The following TMEM182 variants were observed in gnomAD, a reference collection of about 807,000 sequenced individuals.
The protein encoded by TMEM182 is transmembrane protein 182.
TMEM182 carries 20 observed loss-of-function variants against 26.8 expected under a neutral mutation model. The ratio of observed to expected loss-of-function variants is 0.75; its 90% CI spans 0.53 to 1.09. The LOEUF is 1.09. TMEM182 is among the 50% of genes least tolerant of loss of function. The probability of loss-of-function intolerance (pLI) is 0.00; values close to 1 mark genes in which losing one functional copy is unlikely to be tolerated. For missense variants in TMEM182, 277 were observed against 275.5 expected (o/e 1.01, Z -0.04); for synonymous variants, 109 against 102.2 (o/e 1.07, Z -0.40).
intron 4 of TMEM182, among the ~76,000 whole-genome samples, chr2:102,803,848 T>C (rs13413272): frequency 0.013 from 1,987 of 151,836 alleles, 46 homozygotes; most frequent in African/African-American, 0.046. Context: ...CTGTCTACAC[T>C]TGCAGGCACA....
At chr2:102,837,258 A>G (rs1280708839) in intron 3 of TMEM182, among the ~76,000 whole-genome samples, 2 of 152,270 alleles carry the variant, frequency 1.3e-5, no homozygotes, top group African/African-American at 4.8e-5. Context: ...TTTCCAATTT[A>G]GGGGGCTGTA....
At chr2:102,839,470 T>TATATATATATAA (rs1177507950) in intron 3 of TMEM182, among the ~76,000 whole-genome samples, 1 of 140,366 alleles carries the variant, frequency 7.1e-6, no homozygotes, top group East Asian at 2.0e-4. Flanking sequence ...TATATATATA[T>TATATATATATAA]AATATATACA....
intron 3 of TMEM182, among the ~76,000 whole-genome samples, chr2:102,833,191 G>T (rs1189318625): frequency 6.6e-6 from 1 of 152,138 alleles, no homozygotes; most frequent in Admixed American, 6.5e-5. Context: ...GGAGAAGAGG[G>T]TTGCTGGCAG....
chr2:102,776,875 T>C (rs1680938756), intron 3 of TMEM182, among the ~76,000 whole-genome samples: 1 of 152,216 alleles, frequency 6.6e-6, no homozygotes, highest in Non-Finnish European at 1.5e-5. Flanking sequence ...CTCATTGTTT[T>C]AATCTGCAAT....
chr2:102,791,834 A>G (rs1573539377), intron 3 of TMEM182, among the ~76,000 whole-genome samples: 1 of 152,152 alleles, frequency 6.6e-6, no homozygotes, highest in African/African-American at 2.4e-5. Flanking sequence ...GGCACAGTCC[A>G]AAATCTTCAA....
downstream of TMEM182, among the ~76,000 whole-genome samples, chr2:102,821,163 C>T (rs191479962): frequency 5.3e-5 from 8 of 152,268 alleles, no homozygotes; most frequent in East Asian, 1.5e-3. Flanking sequence ...GACTCAACAC[C>T]CTTGAACATA....
chr2:102,796,023 A>G (rs944715857), intron 3 of TMEM182, among the ~76,000 whole-genome samples: 2 of 152,144 alleles, frequency 1.3e-5, no homozygotes, highest in African/African-American at 4.8e-5. Context: ...AGCAGTGCAG[A>G]CCTGTATTTA....
upstream of TMEM182, chr2:102,758,313 C>T: frequency 3.3e-6 from 2 of 598,222 alleles, no homozygotes; most frequent in Admixed American, 2.9e-5. Flanking sequence ...AACAGCCTTC[C>T]TAGTGCATGG....
chr2:102,832,788 C>T (rs1395219737), intron 3 of TMEM182, among the ~76,000 whole-genome samples: 2 of 152,160 alleles, frequency 1.3e-5, no homozygotes, highest in African/African-American at 4.8e-5. Flanking sequence ...CACACACACA[C>T]TCAAGAATTG....
chr2:102,824,269 A>G (rs1057477668), intron 3 of TMEM182, among the ~76,000 whole-genome samples: 1 of 152,180 alleles, frequency 6.6e-6, no homozygotes, highest in Non-Finnish European at 1.5e-5. Flanking sequence ...CCAGTTTATA[A>G]TAGTTAATAA....
downstream of TMEM182, among the ~76,000 whole-genome samples, chr2:102,822,190 A>G (rs568329524): frequency 6.6e-6 from 1 of 152,238 alleles, no homozygotes; most frequent in South Asian, 2.1e-4. Context: ...GTGGGCCTGG[A>G]GATGCACACT....
At chr2:102,799,235 A>G (rs1682010563) in intron 4 of TMEM182, among the ~76,000 whole-genome samples, 1 of 152,244 alleles carries the variant, frequency 6.6e-6, no homozygotes, top group Non-Finnish European at 1.5e-5. Flanking sequence ...GGAGAAGGTT[A>G]CTGTCCTTCT....
chr2:102,834,918 C>T (rs1289967082), intron 3 of TMEM182, among the ~76,000 whole-genome samples: 1 of 152,178 alleles, frequency 6.6e-6, no homozygotes, highest in Non-Finnish European at 1.5e-5. Flanking sequence ...TTGGGCCTCA[C>T]CCGTTTCACC....
At position 102,764,335 on chromosome 2, in the gene TMEM182, A is replaced by T. The variant is rs1237157354; in HGVS notation, c.239A>T (p.Gln80Leu). ...SNIWKFWYTN[Q>L]PPSKNCTHAY... Reference sequence around the variant, plus strand: ...GTTTTGCTGTTCTTCCTAGCCAATCAGCCACCGTCCAAGAACTGCACACAT... The same window carrying T: ...GTTTTGCTGTTCTTCCTAGCCAATCTGCCACCGTCCAAGAACTGCACACAT... Residue 80 changes from glutamine to leucine, a missense_variant, in exon 3 of 5, where the codon CAG (glutamine) becomes CTG (leucine). By Grantham distance (113) the Gln-to-Leu change is moderately radical. Coordinates refer to ENST00000412401, the MANE Select transcript of TMEM182 (RefSeq NM_144632.5). The T allele has an allele frequency of 1.2e-6, 2 of 1,613,688 alleles. No individual in the cohort carries two copies. Among genetic ancestry groups the T allele is most frequent in the Non-Finnish European group, 1.7e-6 (2 of 1,179,840 alleles).
intron 3 of TMEM182, among the ~76,000 whole-genome samples, chr2:102,835,021 A>G (rs904925691): frequency 5.3e-5 from 8 of 152,174 alleles, no homozygotes; most frequent in African/African-American, 1.9e-4. Context: ...AATAGTAATC[A>G]GCTGCACACA....
chr2:102,826,000 T>C (rs553590074), intron 3 of TMEM182, among the ~76,000 whole-genome samples: 2 of 152,360 alleles, frequency 1.3e-5, no homozygotes, highest in East Asian at 3.9e-4. Flanking sequence ...TGCTTGAGGC[T>C]ACATGTTGAG....
At chr2:102,790,249 C>T (rs1461102568) in intron 3 of TMEM182, among the ~76,000 whole-genome samples, 2 of 152,198 alleles carry the variant, frequency 1.3e-5, no homozygotes, top group Non-Finnish European at 2.9e-5. Flanking sequence ...GTTAAGCAAG[C>T]CTGGCAAGGC....
chr2:102,741,927 C>T (rs1679556877), intron 1 of TMEM182, among the ~76,000 whole-genome samples: 1 of 152,126 alleles, frequency 6.6e-6, no homozygotes, highest in African/African-American at 2.4e-5. Context: ...ATACAAAAAG[C>T]CTGGTTACCT....
At chr2:102,814,204 T>C (rs983620755) in intron 4 of TMEM182, among the ~76,000 whole-genome samples, 1 of 152,156 alleles carries the variant, frequency 6.6e-6, no homozygotes, top group Non-Finnish European at 1.5e-5. Flanking sequence ...TGTATAACCA[T>C]ATTTAATTGC....
Sources: allele counts gnomAD v4.1 joint callset (sites outside exome capture counted in the v4.1 genomes callset), GRCh38; gene constraint gnomAD v4.1.1; transcripts MANE v1.5; gene names NCBI Gene and HGNC (gene_info 2026-07-23, HGNC 2026-07-21).